Variants in UGGT2 observed in about 807,000 individuals in gnomAD.
The protein encoded by UGGT2 is UDP-glucose:glycoprotein glucosyltransferase 2.
A neutral mutation model predicts 192.1 loss-of-function variants in UGGT2; 180 were observed. The ratio of observed to expected loss-of-function variants is 0.94; its 90% confidence interval spans 0.83 to 1.06. UGGT2 has a LOEUF of 1.06. Among genes scored for constraint, UGGT2 ranks in the 50% least tolerant of loss-of-function variants. UGGT2 has a pLI of 0.00. For missense variants in UGGT2, 1,849 were observed against 1,795.7 expected (o/e 1.03, Z -0.54); for synonymous variants, 580 against 591.0 (o/e 0.98, Z 0.27).
At chr13:95,858,789 CTT>C (rs1409011198) in intron 33 of UGGT2, among the ~76,000 whole-genome samples, 4 of 152,118 alleles carry the variant, frequency 2.6e-5, no homozygotes, top group Admixed American at 1.3e-4. Flanking sequence ...AGTTACGTAA[CTT>C]TTGAATCTTG....
chr13:95,808,632 C>G (rs1214434892), intron 38 of UGGT2, among the ~76,000 whole-genome samples: 1 of 152,118 alleles, frequency 6.6e-6, no homozygotes, highest in Non-Finnish European at 1.5e-5. Context: ...TGAAGTTACT[C>G]TAGTGACTTT....
chr13:95,871,953 A>C (rs1267387798), intron 29 of UGGT2, among the ~76,000 whole-genome samples: 1 of 127,126 alleles, frequency 7.9e-6, no homozygotes, highest in Non-Finnish European at 1.7e-5. Flanking sequence ...GCCTTGTTTG[A>C]CATCTCTGTC....
intron 1 of UGGT2, among the ~76,000 whole-genome samples, chr13:96,039,303 T>C (rs1180036491): frequency 6.6e-6 from 1 of 152,212 alleles, no homozygotes; most frequent in Admixed American, 6.5e-5. Flanking sequence ...TCTTGTCTCT[T>C]TCGGTCCAAG....
chr13:95,823,013 C>A (rs1291370846), intron 38 of UGGT2, among the ~76,000 whole-genome samples: 3 of 151,982 alleles, frequency 2.0e-5, no homozygotes, highest in Non-Finnish European at 4.4e-5. Flanking sequence ...TTCAAAGAAT[C>A]TTTGAATTTC....
chr13:96,024,431 A>G (rs993020922), intron 2 of UGGT2, among the ~76,000 whole-genome samples: 1 of 152,236 alleles, frequency 6.6e-6, no homozygotes, highest in Non-Finnish European at 1.5e-5. Context: ...AGAAAAGTGC[A>G]GCCTAGAGCT....
At chr13:96,036,236 A>C (rs2052998342) in intron 1 of UGGT2, among the ~76,000 whole-genome samples, 1 of 152,242 alleles carries the variant, frequency 6.6e-6, no homozygotes, top group Admixed American at 6.5e-5. Context: ...AAAATGAACA[A>C]GGTCATGTCT....
At chr13:96,044,532 C>A (rs2053253235) in intron 1 of UGGT2, among the ~76,000 whole-genome samples, 1 of 151,628 alleles carries the variant, frequency 6.6e-6, no homozygotes, top group African/African-American at 2.4e-5. Flanking sequence ...TTGAAACAAA[C>A]AAAAAATACA....
At chr13:95,880,495 C>G (rs1045285593) in intron 27 of UGGT2, among the ~76,000 whole-genome samples, 5 of 152,124 alleles carry the variant, frequency 3.3e-5, no homozygotes, top group African/African-American at 1.2e-4. Flanking sequence ...GGGCAAAAAT[C>G]CAAGAAAAAG....
chr13:95,946,500 C>G (rs1021190028), intron 15 of UGGT2, among the ~76,000 whole-genome samples: 2 of 152,196 alleles, frequency 1.3e-5, no homozygotes, highest in Admixed American at 1.3e-4. Flanking sequence ...TCCTGAGTAA[C>G]TATGACTACA....
intron 20 of UGGT2, among the ~76,000 whole-genome samples, chr13:95,905,545 A>G (rs2048259670): frequency 1.3e-5 from 2 of 151,688 alleles, no homozygotes; most frequent in East Asian, 1.9e-4. Context: ...ACCATTTATT[A>G]AATAGGGAAT....
rs745810728 is a variant in UGGT2 at position 95,948,248 on chromosome 13, CACACAT to C, written c.1456-173_1456-168del. ...ACACACACACACACACACACACACA[CACACAT>C]ATAAAGGATTTCACAATTTATGAAG... On this transcript the variant is annotated intron_variant, in intron 13 of 38. Coordinates refer to ENST00000376747, the MANE Select transcript of UGGT2 (RefSeq NM_020121.4). Among the ~76,000 whole-genome samples the C allele has an allele frequency of 4.3e-3, 649 of 149,256 alleles. 3 individuals carry two copies. The highest frequency in any genetic ancestry group is 0.011 in the East Asian group (55 of 4,992).
intron 16 of UGGT2, among the ~76,000 whole-genome samples, chr13:95,939,406 T>C (rs2049583728): frequency 6.6e-6 from 1 of 151,666 alleles, no homozygotes. Flanking sequence ...TAATGAAGGC[T>C]CCTATACATT....
At chr13:95,816,405 C>A (rs1884891332) in intron 38 of UGGT2, among the ~76,000 whole-genome samples, 1 of 152,116 alleles carries the variant, frequency 6.6e-6, no homozygotes, top group Non-Finnish European at 1.5e-5. Context: ...GACCCAACAC[C>A]CCCATACTAC....
intron 8 of UGGT2, among the ~76,000 whole-genome samples, chr13:95,988,946 T>C (rs1339995213): frequency 1.3e-5 from 2 of 152,158 alleles, no homozygotes; most frequent in African/African-American, 4.8e-5. Flanking sequence ...ATTATTTGTA[T>C]GTTATAAGTA....
chr13:96,036,224 T>C (rs1221409238), intron 1 of UGGT2, among the ~76,000 whole-genome samples: 5 of 152,156 alleles, frequency 3.3e-5, no homozygotes, highest in African/African-American at 1.2e-4. Context: ...TATGCAGCCA[T>C]AAAAATGAAC....
In UGGT2 at chr13:95,875,115, G is replaced by A. The variant is rs569487604; in HGVS notation, c.3473+2164C>T. On this transcript the variant is annotated intron_variant, in intron 29 of 38. Coordinates refer to ENST00000376747, the MANE Select transcript of UGGT2 (RefSeq NM_020121.4). The stretch of plus-strand genomic sequence containing the variant: ...CATATCCTCACCAACACTTGATATC[G>A]TCATTCTTTTTATAAAGTTAGTCAT... Among the ~76,000 whole-genome samples, 20 of 152,136 alleles carry A rather than the reference G, an allele frequency of 1.3e-4. No homozygotes were observed. In the East Asian group the frequency reaches 3.5e-3, roughly 26 times the overall value.
In UGGT2 at chr13:96,023,105, A is replaced by C; in HGVS notation, c.420T>G (p.Val140=). The C allele has an allele frequency of 6.3e-7, 1 of 1,596,424 alleles. No homozygotes were observed. The highest frequency in any genetic ancestry group is 8.5e-7 in the Non-Finnish European group (1 of 1,170,146). The change falls in exon 4 of 39, where the codon GTT becomes GTG. Residue 140 remains valine, a synonymous_variant. Transcript: ENST00000376747. ...TTTTACAGGTGTGCTTCTTATGAATAACCACAAATGCATTACAACCATCTG... is the reference window on the plus strand; with the variant it reads ...TTTTACAGGTGTGCTTCTTATGAATCACCACAAATGCATTACAACCATCTG... The part of the protein sequence containing the change: ...PPPDGCNAFV[V]IHKKHTCKIN...
intron 10 of UGGT2, among the ~76,000 whole-genome samples, chr13:95,979,445 A>G (rs921267731): frequency 6.7e-6 from 1 of 150,248 alleles, no homozygotes; most frequent in Non-Finnish European, 1.5e-5. Flanking sequence ...TGGCTCTTAT[A>G]GGCAAAATTT....
chr13:95,853,575 G>C lies in UGGT2; in HGVS notation c.4252C>G (p.Gln1418Glu). ...AGGTTTGAAAGACTGTTTGGATCTT[G>C]ACTGAGAGCTTGATACTGGCTCCTG... ...RLRSQYQALS[Q>E]DPNSLSNLDQ... The change falls in exon 36 of 39, where the codon CAA becomes GAA. Residue 1418 changes from glutamine (Q) to glutamate (E), a missense_variant. Gln to Glu is a conservative substitution (Grantham distance 29). Transcript: ENST00000376747. The C allele has an allele frequency of 6.2e-7, 1 of 1,611,770 alleles. No homozygotes were observed. The highest frequency in any genetic ancestry group is 8.5e-7 in the Non-Finnish European group (1 of 1,179,232).
Sources: gnomAD v4.1 joint callset for allele counts (sites outside exome capture counted in the v4.1 genomes callset) on GRCh38, gnomAD v4.1.1 for gene constraint, MANE v1.5 for transcripts, NCBI Gene and HGNC (gene_info 2026-07-23, HGNC 2026-07-21) for gene names.